AKR1C3: variants seen among roughly 807,000 people sequenced by gnomAD.
AKR1C3 encodes 3-alpha hydroxysteroid dehydrogenase, type II.
In AKR1C3, 48 loss-of-function variants were observed where a neutral mutation model predicts 43.6. The ratio of observed to expected loss-of-function variants is 1.10; its 90% CI spans 0.87 to 1.40. AKR1C3 has a LOEUF of 1.40. Ranked by LOEUF, AKR1C3 falls within the 40% of genes most tolerant of loss-of-function variation. The pLI, the probability that AKR1C3 is intolerant of heterozygous loss-of-function variation, is 0.00. For missense variants in AKR1C3, 482 were observed against 391.2 expected, an observed-to-expected ratio of 1.23 and a Z score of -1.96; for synonymous variants, 162 against 139.6, an observed-to-expected ratio of 1.16 and a Z score of -1.13.
chr10:5,094,680 C>T, intron 1 of AKR1C3, 152 bp downstream of exon 1: 1 of 776,534 alleles, frequency 1.3e-6, no homozygotes, highest in South Asian at 1.7e-5. Flanking sequence ...GTAGGCAATC[C>T]TTGTTCTGCA....
At chr10:5,067,284 G>A (rs909165116) in intron 1 of AKR1C3, among the ~76,000 whole-genome samples, 2 of 152,146 alleles carry the variant, frequency 1.3e-5, no homozygotes, top group Non-Finnish European at 2.9e-5. Context: ...TTTCATGACA[G>A]TAGAAGTGTT....
intron 1 of AKR1C3, among the ~76,000 whole-genome samples, chr10:5,072,982 G>A (rs1409632473): frequency 1.4e-4 from 22 of 152,004 alleles, no homozygotes; most frequent in African/African-American, 4.6e-4. Flanking sequence ...ATTTATTTTC[G>A]AGACAGAGTC....
rs369061345 is a variant in AKR1C3 at position 5,071,511 on chromosome 10, G to A, written c.84+22616G>A. On this transcript the variant is annotated intron_variant, in intron 1 of 8. Coordinates refer to the AKR1C3 transcript ENST00000439082. ...CACAGACCACCCCACACAGTGGCAC[G>A]GATTCTCTTCTTGAACAGACTTTCC... Among the ~76,000 whole-genome samples, 5 of 152,100 alleles carry A rather than the reference G, an allele frequency of 3.3e-5. No homozygotes were observed. In the East Asian group the frequency reaches 7.7e-4, roughly 23 times the overall value.
intron 1 of AKR1C3, among the ~76,000 whole-genome samples, chr10:5,051,866 G>A (rs2131770774): frequency 6.6e-6 from 1 of 152,250 alleles, no homozygotes; most frequent in South Asian, 2.1e-4. Context: ...ATAATTCAGT[G>A]CTCTCTTCTA....
intron 7 of AKR1C3, among the ~76,000 whole-genome samples, chr10:5,102,928 GTTGT>G (rs1172860170): frequency 7.4e-5 from 11 of 148,216 alleles, no homozygotes; most frequent in Admixed American, 1.4e-4. Context: ...ATTTTTTCAT[GTTGT>G]TTGTTTGGTT....
upstream of AKR1C3, among the ~76,000 whole-genome samples, chr10:5,089,657 GTGTT>G (rs373884154): frequency 2.0e-5 from 3 of 151,636 alleles, no homozygotes; most frequent in African/African-American, 7.3e-5. Context: ...TAGTTTCTTT[GTGTT>G]TGTTTTTGAC....
Position 5,054,446 on chromosome 10 carries a change from T to C in AKR1C3, c.84+5551T>C, listed in dbSNP as rs572035377. On this transcript the variant is annotated intron_variant, in intron 1 of 8. Transcript: ENST00000439082. ...GATAAGGTCTGATTTCCTGGGGCAA[T>C]GTTAATGTTGGGATTTAGAAAGACT... is the stretch of plus-strand genomic sequence containing the variant. Among the ~76,000 whole-genome samples, 3 of 152,206 alleles carry C rather than the reference T, an allele frequency of 2.0e-5. No individual in the cohort carries two copies. The East Asian group carries it at 5.8e-4, about 29-fold the overall frequency.
chr10:5,086,688 C>A (rs1588348138), intron 1 of AKR1C3, among the ~76,000 whole-genome samples: 2 of 152,138 alleles, frequency 1.3e-5, no homozygotes, highest in African/African-American at 4.8e-5. Flanking sequence ...TTAAAGTCTC[C>A]CACTATTATT....
intron 3 of AKR1C3, chr10:5,098,283 C>G (rs782047410): frequency 8.5e-5 from 65 of 764,644 alleles, no homozygotes; most frequent in Non-Finnish European, 9.7e-5. Flanking sequence ...TTGACCCAAA[C>G]TTTTTCATTG....
At chr10:5,089,624 T>C (rs1191766423), upstream of AKR1C3, among the ~76,000 whole-genome samples, 1 of 152,098 alleles carries the variant, frequency 6.6e-6, no homozygotes, top group Non-Finnish European at 1.5e-5. Flanking sequence ...GTATATCTTT[T>C]TTTCTTTCCT....
At chr10:5,107,132 C>T (rs1270030810) in intron 8 of AKR1C3, among the ~76,000 whole-genome samples, 3 of 152,076 alleles carry the variant, frequency 2.0e-5, no homozygotes, top group Admixed American at 6.5e-5. Context: ...ATATTGCATA[C>T]AGTAGACAGT....
chr10:5,064,977 A>T (rs552026696), intron 1 of AKR1C3, among the ~76,000 whole-genome samples: 25 of 152,294 alleles, frequency 1.6e-4, no homozygotes, highest in Middle Eastern at 3.4e-3. Flanking sequence ...TTTTAAAAGA[A>T]GACATACTTG....
chr10:5,069,190 A>T (rs1055959581), intron 1 of AKR1C3, among the ~76,000 whole-genome samples: 1 of 152,186 alleles, frequency 6.6e-6, no homozygotes, highest in Admixed American at 6.5e-5. Context: ...GAGACCAGAG[A>T]CTAACTGGTA....
At chr10:5,063,885 C>G (rs1398714045) in intron 1 of AKR1C3, among the ~76,000 whole-genome samples, 2 of 151,276 alleles carry the variant, frequency 1.3e-5, no homozygotes, top group Non-Finnish European at 2.9e-5. Flanking sequence ...TGTGAGGCAG[C>G]TCCATCACTG....
chr10:5,055,902 C>G (rs963816614), intron 1 of AKR1C3, among the ~76,000 whole-genome samples: 1 of 152,194 alleles, frequency 6.6e-6, no homozygotes, highest in Non-Finnish European at 1.5e-5. Context: ...ACCCCCTCAA[C>G]TGTTTTAATG....
chr10:5,077,784 A>ATGT, intron 1 of AKR1C3: 1 of 862,776 alleles, frequency 1.2e-6, no homozygotes. Flanking sequence ...TTACATTAAC[A>ATGT]TGTTCCTTGA....
chr10:5,096,659 G>A, intron 2 of AKR1C3, 82 bp downstream of exon 2: 1 of 1,466,694 alleles, frequency 6.8e-7, no homozygotes. Context: ...TGGATGAGTA[G>A]TTGTGGGTGA....
upstream of AKR1C3, among the ~76,000 whole-genome samples, chr10:5,089,544 T>A (rs2131828490): frequency 6.6e-6 from 1 of 152,288 alleles, no homozygotes; most frequent in East Asian, 1.9e-4. Flanking sequence ...TCTCAAAGAT[T>A]TAAACTGTAT....
At chr10:5,091,567 T>C (rs1839089602), upstream of AKR1C3, among the ~76,000 whole-genome samples, 1 of 152,178 alleles carries the variant, frequency 6.6e-6, no homozygotes, top group Admixed American at 6.6e-5. Flanking sequence ...TATTCCTTTC[T>C]CAATTGCTCT....
Sources: allele counts gnomAD v4.1 joint callset (sites outside exome capture counted in the v4.1 genomes callset), GRCh38; gene constraint gnomAD v4.1.1; transcripts MANE v1.5; gene names NCBI Gene and HGNC (gene_info 2026-07-23, HGNC 2026-07-21).